LRRC27: variants seen among roughly 807,000 people sequenced by gnomAD.
LRRC27 encodes leucine rich repeat containing 27.
In LRRC27, 57 loss-of-function variants were observed where a neutral mutation model predicts 55.0. The ratio of observed to expected loss-of-function variants is 1.04; its 90% confidence interval spans 0.84 to 1.29. The LOEUF (loss-of-function observed/expected upper bound fraction) is 1.29, where lower values mean the gene tolerates loss of function less well. Ranked by LOEUF, LRRC27 falls within the 50% of genes most tolerant of loss-of-function variation. The pLI, the probability that LRRC27 is intolerant of heterozygous loss-of-function variation, is 0.00. For synonymous variants in LRRC27, 278 were observed against 251.9 expected, an observed-to-expected ratio of 1.10 and a Z score of -0.98; for missense variants, 721 against 651.5, an observed-to-expected ratio of 1.11 and a Z score of -1.16.
chr10:132,353,119 C>T (rs1215822728), intron 7 of LRRC27: 1 of 1,471,462 alleles, frequency 6.8e-7, no homozygotes, highest in Non-Finnish European at 9.0e-7. Context: ...ACCCCCGTGC[C>T]CCTCACTTGG....
chr10:132,349,377 C>A (rs1233058072), intron 6 of LRRC27, among the ~76,000 whole-genome samples: 1 of 152,170 alleles, frequency 6.6e-6, no homozygotes, highest in African/African-American at 2.4e-5. Flanking sequence ...TAGGTTTGAA[C>A]ATTCAAAACA....
upstream of LRRC27, chr10:132,332,074 C>T (rs1234093088): frequency 7.5e-6 from 2 of 266,036 alleles, no homozygotes; most frequent in South Asian, 1.0e-4. Context: ...CACACCCCCG[C>T]GCGCAGGCGC....
intron 6 of LRRC27, chr10:132,350,354 C>T (rs992340794): frequency 3.9e-5 from 6 of 152,276 alleles, no homozygotes; most frequent in African/African-American, 1.4e-4. Flanking sequence ...GCAGCTCCTC[C>T]ATACCCCTCA....
intron 4 of LRRC27, 121 bp downstream of exon 4, chr10:132,342,392 T>C (rs1590621389): frequency 1.5e-6 from 1 of 655,996 alleles, no homozygotes; most frequent in East Asian, 2.9e-5. Flanking sequence ...AAATCCTTCC[T>C]ACTTCTAGGA....
At chr10:132,358,643 G>A (rs1385922749) in intron 8 of LRRC27, among the ~76,000 whole-genome samples, 6 of 118,114 alleles carry the variant, frequency 5.1e-5, no homozygotes, top group African/African-American at 1.9e-4. Flanking sequence ...CCGAGGTGGT[G>A]GAGCAGTGTG....
intron 7 of LRRC27, chr10:132,353,274 T>C: frequency 8.0e-7 from 1 of 1,243,980 alleles, no homozygotes; most frequent in Non-Finnish European, 1.0e-6. Context: ...GTTCCGACAA[T>C]CTCTCCTTCC....
At position 132,364,383 on chromosome 10, in the gene LRRC27, T is replaced by TACC. The variant is rs1564852998; in HGVS notation, c.1290-1041_1290-1040insACC. ...CACCCGCGCTTACACCCACCCACAC[T>TACC]TACACCCACCCTTACATCTACCTCC... is the stretch of plus-strand genomic sequence containing the variant. On this transcript the variant is annotated intron_variant, in intron 9 of 10. Coordinates refer to ENST00000368614, the MANE Select transcript of LRRC27 (RefSeq NM_030626.3). 2.3e-3 allele frequency among the ~76,000 whole-genome samples: 118 copies of TACC among 51,606 alleles called. 8 individuals carry two copies. The East Asian group carries it at 0.047, about 21-fold the overall frequency. 33.9% of individuals were successfully genotyped at this position (51,606 alleles called of 152,430 possible).
At chr10:132,364,749 CCCACACTTACACTCATG>C (rs2068947065) in intron 9 of LRRC27, among the ~76,000 whole-genome samples, 1 of 114,088 alleles carries the variant, frequency 8.8e-6, no homozygotes, top group African/African-American at 3.8e-5. Flanking sequence ...TACCTCCACG[CCCACACTTACACTCATG>C]CTTACATCTA....
chr10:132,356,466 TTGCCAG>T, intron 8 of LRRC27, among the ~76,000 whole-genome samples: 1 of 88,494 alleles, frequency 1.1e-5, no homozygotes, highest in East Asian at 3.3e-4. Context: ...TCCCCCAAGA[TTGCCAG>T]CTCTTAAGCT....
At position 132,371,325 on chromosome 10, in the gene LRRC27, T is replaced by C. The variant is rs573342800; in HGVS notation, c.1417-3741T>C. ...GAGTCCAGCCCATGAGCCAGGAGCT[T>C]GCATGTGATTAGAGGACCAGGGTGG... On this transcript the variant is annotated intron_variant, in intron 10 of 10. Transcript: ENST00000368614. 7.9e-5 allele frequency among the ~76,000 whole-genome samples: 12 copies of C among 152,230 alleles called. No individual in the cohort carries two copies. In the East Asian group the frequency reaches 2.3e-3, roughly 29 times the overall value.
chr10:132,340,923 AAAGT>A (rs2067383556), intron 3 of LRRC27, among the ~76,000 whole-genome samples: 1 of 152,002 alleles, frequency 6.6e-6, no homozygotes, highest in South Asian at 2.1e-4. Context: ...AAAATCCAAG[AAAGT>A]AAGTAGAAAG....
chr10:132,365,100 T>C (rs1302568247), intron 9 of LRRC27, among the ~76,000 whole-genome samples: 1 of 152,270 alleles, frequency 6.6e-6, no homozygotes, highest in Non-Finnish European at 1.5e-5. Context: ...CTTCATGTGG[T>C]GCAGTGTGCA....
intron 10 of LRRC27, among the ~76,000 whole-genome samples, chr10:132,370,366 G>A (rs771219654): frequency 9.9e-5 from 15 of 152,168 alleles, no homozygotes; most frequent in Non-Finnish European, 1.5e-4. Context: ...ATAAACACCC[G>A]CTAACTTCCC....
intron 3 of LRRC27, among the ~76,000 whole-genome samples, chr10:132,339,683 A>G (rs1388939373): frequency 6.6e-6 from 1 of 152,220 alleles, no homozygotes; most frequent in African/African-American, 2.4e-5. Flanking sequence ...TCTTCTTCAC[A>G]CGATCATCAT....
intron 5 of LRRC27, among the ~76,000 whole-genome samples, chr10:132,347,340 G>A (rs552490791): frequency 3.4e-5 from 5 of 149,162 alleles, no homozygotes; most frequent in South Asian, 2.2e-4. Flanking sequence ...AAGGTCACGC[G>A]TGTCCGGTGG....
chr10:132,378,141 C>G lies in LRRC27; in HGVS notation c.*2899C>G, dbSNP rs942136657. On this transcript the variant is annotated 3_prime_UTR_variant, in exon 11 of 11. Coordinates refer to ENST00000368614, the MANE Select transcript of LRRC27 (RefSeq NM_030626.3). Reference sequence around the variant, plus strand: ...AGTGAGCCGAGATCGCGCCACTGCACTCCAGCCTGGGCGACAGAGCGAGAC... The same window carrying G: ...AGTGAGCCGAGATCGCGCCACTGCAGTCCAGCCTGGGCGACAGAGCGAGAC... 2 of 151,302 alleles carry G rather than the reference C, an allele frequency of 1.3e-5. No individual in the cohort carries two copies. Among genetic ancestry groups the G allele is most frequent in the African/African-American group, 4.9e-5 (2 of 41,092 alleles). 9.4% of individuals were successfully genotyped at this position (151,302 alleles called of 1,614,324 possible). A position where few individuals can be genotyped will look rare whatever the true frequency, so the allele number is the denominator to read the frequency against.
chr10:132,351,384 T>TG (rs780070474), intron 6 of LRRC27: 3 of 530,346 alleles, frequency 5.7e-6, no homozygotes, highest in East Asian at 6.4e-5. Flanking sequence ...TGGCTGGCAG[T>TG]GGGCGCGTTG....
chr10:132,348,424 T>C lies in LRRC27; in HGVS notation c.926+68T>C. ...ATTTATACAGTTATTTTAAATTATC[T>C]TTGAAAACATCAGGTCCAGCTTTTA... On this transcript the variant is annotated intron_variant, in intron 6 of 10. Transcript: ENST00000368614. The surrounding 1 kb of genome is among the most constrained non-coding windows in gnomAD (Gnocchi z 4.2). 1 of 1,548,640 alleles carries C rather than the reference T, an allele frequency of 6.5e-7. No homozygotes were observed. Among genetic ancestry groups the C allele is most frequent in the East Asian group, 2.3e-5 (1 of 44,420 alleles).
At chr10:132,337,390 A>AT (rs1359409320) in intron 2 of LRRC27, 175 bp from the exon 3 acceptor site, 4 of 1,384,802 alleles carry the variant, frequency 2.9e-6, no homozygotes, top group Non-Finnish European at 2.8e-6. Flanking sequence ...TTTCTTTCTG[A>AT]TTCTTTTGTC....
Sources: gnomAD v4.1 joint callset for allele counts (sites outside exome capture counted in the v4.1 genomes callset) on GRCh38, gnomAD v4.1.1 for gene constraint, Gnocchi (gnomAD v3.1) non-coding constraint, MANE v1.5 for transcripts, NCBI Gene and HGNC (gene_info 2026-07-23, HGNC 2026-07-21) for gene names.